The following PLS1 variants were observed in gnomAD, a reference collection of about 807,000 sequenced individuals.
PLS1 encodes plastin-1.
A neutral mutation model predicts 73.7 loss-of-function variants in PLS1; 32 were observed. That is an observed-to-expected ratio of 0.43 (90% CI 0.33 to 0.58). PLS1 has a LOEUF of 0.58. Among genes scored for constraint, PLS1 ranks in the 20% least tolerant of loss-of-function variants. The pLI, the probability that PLS1 is intolerant of heterozygous loss-of-function variation, is 0.04. For missense variants in PLS1, 633 were observed against 740.5 expected (o/e 0.85, Z 1.68); for synonymous variants, 217 against 261.3 (o/e 0.83, Z 1.63).
At chr3:142,651,605 G>A (rs1467521376) in intron 1 of PLS1, among the ~76,000 whole-genome samples, 2 of 152,042 alleles carry the variant, frequency 1.3e-5, no homozygotes, top group Non-Finnish European at 2.9e-5. Flanking sequence ...GGGACTCCAG[G>A]CACGTGCCAC....
chr3:142,658,026 C>CT (rs1042141729), intron 1 of PLS1, among the ~76,000 whole-genome samples: 13 of 151,838 alleles, frequency 8.6e-5, no homozygotes, highest in Admixed American at 2.0e-4. Flanking sequence ...AAGAAGCATC[C>CT]TTTTTTCTCT....
At chr3:142,634,877 T>G (rs1222032033) in intron 1 of PLS1, among the ~76,000 whole-genome samples, 1 of 151,844 alleles carries the variant, frequency 6.6e-6, no homozygotes, top group African/African-American at 2.4e-5. Context: ...ATAAAACATA[T>G]GGGGTTTGAG....
intron 3 of PLS1, 144 bp from the exon 4 acceptor site, chr3:142,670,849 A>C (rs2037589676): frequency 1.9e-6 from 1 of 535,824 alleles, no homozygotes; most frequent in African/African-American, 2.0e-5. Context: ...AAATGATGAA[A>C]GTTATCTGTG....
intron 6 of PLS1, among the ~76,000 whole-genome samples, chr3:142,679,713 C>T (rs1389991992): frequency 1.3e-5 from 2 of 151,804 alleles, no homozygotes; most frequent in Admixed American, 6.6e-5. Context: ...AGCGTGATGC[C>T]TCCAGCTTTG....
chr3:142,621,532 CTT>C (rs1283638349), intron 1 of PLS1, among the ~76,000 whole-genome samples: 1 of 152,054 alleles, frequency 6.6e-6, no homozygotes, highest in Non-Finnish European at 1.5e-5. Context: ...AAACTGAAAA[CTT>C]TAAATAATAT....
intron 1 of PLS1, among the ~76,000 whole-genome samples, chr3:142,639,676 C>T (rs931023825): frequency 6.6e-6 from 1 of 152,140 alleles, no homozygotes. Flanking sequence ...CTTACATCCC[C>T]CAACTAGTTT....
At chr3:142,650,957 A>T (rs906193541) in intron 1 of PLS1, among the ~76,000 whole-genome samples, 6 of 152,094 alleles carry the variant, frequency 3.9e-5, no homozygotes, top group African/African-American at 1.2e-4. Flanking sequence ...TGTGGTTAAT[A>T]GGCTTGTGAC....
intron 1 of PLS1, among the ~76,000 whole-genome samples, chr3:142,643,168 G>A (rs2036877652): frequency 6.6e-6 from 1 of 152,186 alleles, no homozygotes; most frequent in Non-Finnish European, 1.5e-5. Context: ...TGAGATGGAG[G>A]TTGAGGGAAC....
At chr3:142,689,882 C>T in intron 10 of PLS1, 69 bp downstream of exon 10, 2 of 984,016 alleles carry the variant, frequency 2.0e-6, no homozygotes, top group East Asian at 2.6e-5. Flanking sequence ...ACTTCACTGT[C>T]AGAGATAGGG....
Position 142,711,882 on chromosome 3 carries a change from T to G in PLS1, c.1765T>G (p.Ser589Ala), listed in dbSNP as rs747620645. 5.0e-6 allele frequency: 8 copies of G among 1,613,812 alleles called. No homozygotes were observed. The South Asian group carries it at 7.7e-5, about 16-fold the overall frequency. Residue 589 changes from serine (S) to alanine (A), a missense_variant, in exon 16 of 16, where the codon TCA becomes GCA. Transcript: ENST00000457734. ...DKLNNAKYAISVARKIGARIY... is the reference protein window; with the variant it reads ...DKLNNAKYAIAVARKIGARIY... ...TCTTGTCTCTTCAAGATACGCCATTTCAGTTGCTCGAAAGATCGGTGCCCG... is the reference window on the plus strand; with the variant it reads ...TCTTGTCTCTTCAAGATACGCCATTGCAGTTGCTCGAAAGATCGGTGCCCG...
chr3:142,698,060 T>C lies in PLS1; in HGVS notation c.1364T>C (p.Met455Thr), dbSNP rs1470228096. 1.3e-6 allele frequency: 2 copies of C among 1,531,724 alleles called. No homozygotes were observed. Among genetic ancestry groups the C allele is most frequent in the Non-Finnish European group, 1.8e-6 (2 of 1,105,034 alleles). 94.9% of individuals were successfully genotyped at this position (1,531,724 alleles called of 1,614,324 possible). The change falls in exon 12 of 16, where the codon ATG becomes ACG. Residue 455 changes from methionine to threonine, a missense_variant. Physicochemically the swap from Met to Thr is moderately conservative, Grantham distance 81 (BLOSUM62 -1). Coordinates refer to ENST00000457734, the MANE Select transcript of PLS1 (RefSeq NM_001145319.2). ...CCTTATCCTGCCCTTGGAGGGAACA[T>C]GAAGAAGGTGAATGAAATAATGGCC... ...KPPYPALGGNMKKIENCNYAV... is the reference protein window; with the variant it reads ...KPPYPALGGNTKKIENCNYAV...
rs776248425 is a variant in PLS1, at chr3:142,620,797, TC to T, written c.-37+24289del. 5.2e-4 allele frequency among the ~76,000 whole-genome samples: 79 copies of T among 152,240 alleles called. No individual in the cohort carries two copies. In the Middle Eastern group the frequency reaches 0.027, roughly 52 times the overall value. ...ACTTTGGGAGGCCAAGGCGGGCAGATCACTTGAGGTCAGGAGTTCAAGACCA... is the reference window on the plus strand; with the variant it reads ...ACTTTGGGAGGCCAAGGCGGGCAGATACTTGAGGTCAGGAGTTCAAGACCA... On this transcript the variant is annotated intron_variant, in intron 1 of 15. Coordinates refer to ENST00000457734, the MANE Select transcript of PLS1 (RefSeq NM_001145319.2).
chr3:142,673,556 A>T lies in PLS1; in HGVS notation c.364+2434A>T, dbSNP rs1560061889. The T allele has an allele frequency of 2.0e-5, 3 of 152,318 alleles. No individual in the cohort carries two copies. The South Asian group carries it at 6.2e-4, about 32-fold the overall frequency. 9.4% of individuals were successfully genotyped at this position (152,318 alleles called of 1,614,324 possible). A position where few individuals can be genotyped will look rare whatever the true frequency, so the allele number is the denominator to read the frequency against. On this transcript the variant is annotated intron_variant, in intron 4 of 15. Transcript: ENST00000457734. ...TTGAATTTTTGTTAACTCTATGTTT[A>T]TCATTTTTAAAGAACTGCCAAATTG...
At position 142,713,613 on chromosome 3, in the gene PLS1, G is replaced by A. The variant is rs1196813518; in HGVS notation, c.*1606G>A. 2 of 152,154 alleles carry A rather than the reference G, an allele frequency of 1.3e-5. No individual in the cohort carries two copies. Among genetic ancestry groups the A allele is most frequent in the Non-Finnish European group, 2.9e-5 (2 of 67,942 alleles). 9.4% of individuals were successfully genotyped at this position (152,154 alleles called of 1,614,324 possible). ...TTTACATGAAATCTGGCACTTTAGG[G>A]TGTTCTTTTTCTCACAGAGTATATT... On this transcript the variant is annotated 3_prime_UTR_variant, in exon 16 of 16. Transcript: ENST00000457734.
chr3:142,644,486 C>G (rs946785386), intron 1 of PLS1, among the ~76,000 whole-genome samples: 2 of 152,074 alleles, frequency 1.3e-5, no homozygotes, highest in African/African-American at 4.8e-5. Flanking sequence ...CTCCTGGGCT[C>G]AAGCGATACT....
intron 1 of PLS1, among the ~76,000 whole-genome samples, chr3:142,610,715 G>A (rs112892516): frequency 4.6e-5 from 7 of 152,032 alleles, no homozygotes; most frequent in African/African-American, 9.7e-5. Flanking sequence ...AAAGACTCTC[G>A]CTGGGCCACA....
chr3:142,711,686 G>T, intron 15 of PLS1, 61 bp downstream of exon 15: 1 of 1,439,378 alleles, frequency 6.9e-7, no homozygotes, highest in Non-Finnish European at 9.5e-7. Context: ...ATCCTTATAG[G>T]AAAAGTTACT....
intron 1 of PLS1, among the ~76,000 whole-genome samples, chr3:142,610,881 C>T (rs1444698118): frequency 1.3e-5 from 2 of 152,198 alleles, no homozygotes; most frequent in African/African-American, 4.8e-5. Flanking sequence ...TGGGCCCAGG[C>T]ACTGAGCTAG....
intron 2 of PLS1, among the ~76,000 whole-genome samples, chr3:142,665,546 T>C (rs2037464678): frequency 6.6e-6 from 1 of 152,210 alleles, no homozygotes; most frequent in Non-Finnish European, 1.5e-5. Context: ...ATTGTTGAAA[T>C]GTTCTGCTCA....
Sources: gnomAD v4.1 joint callset for allele counts (sites outside exome capture counted in the v4.1 genomes callset) on GRCh38, gnomAD v4.1.1 for gene constraint, MANE v1.5 for transcripts, NCBI Gene and HGNC (gene_info 2026-07-23, HGNC 2026-07-21) for gene names.